Variants in GRIP1 observed in about 807,000 individuals in gnomAD.
GRIP1 encodes glutamate receptor-interacting protein 1.
Under a neutral mutation model 129.9 loss-of-function variants are expected in GRIP1, and 45 were observed. The observed-to-expected ratio is 0.35, with a 90% confidence interval of 0.27 to 0.44. The LOEUF (loss-of-function observed/expected upper bound fraction) is 0.44. GRIP1 is among the 20% of genes least tolerant of loss of function. The pLI, the probability that GRIP1 is intolerant of heterozygous loss-of-function variation, is 1.00. For missense variants in GRIP1, 1,196 were observed against 1,396.8 expected, an observed-to-expected ratio of 0.86 and a Z score of 2.29; for synonymous variants, 530 against 520.8, an observed-to-expected ratio of 1.02 and a Z score of -0.24.
At chr12:66,794,286 T>C (rs755987062) in intron 1 of GRIP1, among the ~76,000 whole-genome samples, 24 of 152,218 alleles carry the variant, frequency 1.6e-4, no homozygotes, top group Admixed American at 2.0e-4. Context: ...GGGTGGCTTA[T>C]GGGAATCAGT....
chr12:66,807,808 G>T (rs1271293084), upstream of GRIP1, among the ~76,000 whole-genome samples: 1 of 151,908 alleles, frequency 6.6e-6, no homozygotes, highest in Admixed American at 6.6e-5. Flanking sequence ...ACAGCCTGTA[G>T]AACTATGAGC....
intron 1 of GRIP1, among the ~76,000 whole-genome samples, chr12:66,968,031 G>A (rs2042021523): frequency 6.6e-6 from 1 of 152,084 alleles, no homozygotes; most frequent in Non-Finnish European, 1.5e-5. Context: ...AGTGAAAGAG[G>A]GGTGTTGAAG....
At chr12:66,420,475 A>G (rs1250257617) in intron 15 of GRIP1, among the ~76,000 whole-genome samples, 3 of 142,488 alleles carry the variant, frequency 2.1e-5, no homozygotes, top group African/African-American at 8.0e-5. Context: ...AGGAGAGCCT[A>G]TGCTAGATTC....
At chr12:66,702,377 C>T (rs539126375) in intron 1 of GRIP1, among the ~76,000 whole-genome samples, 2 of 152,222 alleles carry the variant, frequency 1.3e-5, no homozygotes, top group East Asian at 3.9e-4. Flanking sequence ...ATCTCTTATG[C>T]TAAATTCTCT....
chr12:66,708,532 T>C (rs960514813), intron 1 of GRIP1, among the ~76,000 whole-genome samples: 2 of 151,930 alleles, frequency 1.3e-5, no homozygotes, highest in Non-Finnish European at 2.9e-5. Context: ...ATTAAAACAG[T>C]ATGTCAGGTA....
At chr12:66,886,025 A>T (rs570357617) in intron 1 of GRIP1, among the ~76,000 whole-genome samples, 1 of 152,240 alleles carries the variant, frequency 6.6e-6, no homozygotes, top group East Asian at 1.9e-4. Context: ...CACTTTGGGA[A>T]ACCAAGTTGG....
intron 1 of GRIP1, among the ~76,000 whole-genome samples, chr12:66,850,447 G>A (rs1047406173): frequency 1.3e-5 from 2 of 152,046 alleles, no homozygotes; most frequent in African/African-American, 4.8e-5. Flanking sequence ...GTATTTTCAG[G>A]TTGCAAAGTT....
chr12:66,945,206 G>A (rs1184549607), intron 1 of GRIP1, among the ~76,000 whole-genome samples: 6 of 152,088 alleles, frequency 3.9e-5, no homozygotes, highest in Non-Finnish European at 8.8e-5. Context: ...CCATGTGCAG[G>A]TTTGTTATCT....
intron 1 of GRIP1, among the ~76,000 whole-genome samples, chr12:66,907,643 A>G (rs1253139833): frequency 6.6e-6 from 1 of 152,186 alleles, no homozygotes; most frequent in Admixed American, 6.5e-5. Flanking sequence ...TGGGGACAGC[A>G]GCACTTGTCA....
chr12:66,977,240 T>C (rs1305770960), intron 1 of GRIP1, among the ~76,000 whole-genome samples: 1 of 151,340 alleles, frequency 6.6e-6, no homozygotes, highest in African/African-American at 2.4e-5. Flanking sequence ...CATTTCTTTT[T>C]TTTCTTTTTT....
intron 1 of GRIP1, among the ~76,000 whole-genome samples, chr12:66,765,166 G>A (rs2037595248): frequency 6.6e-6 from 1 of 151,902 alleles, no homozygotes; most frequent in South Asian, 2.1e-4. Flanking sequence ...GATGAGACAG[G>A]CCCTTAGCCA....
chr12:66,613,256 G>T (rs1306353286), intron 1 of GRIP1, among the ~76,000 whole-genome samples: 6 of 152,102 alleles, frequency 3.9e-5, no homozygotes, highest in Non-Finnish European at 5.9e-5. Context: ...TAGAACTAAT[G>T]CTCCTTATAA....
chr12:67,046,390 C>T (rs982769307), intron 1 of GRIP1, among the ~76,000 whole-genome samples: 1 of 152,190 alleles, frequency 6.6e-6, no homozygotes, highest in African/African-American at 2.4e-5. Flanking sequence ...CCCTTCCATA[C>T]AAGATTCCTG....
At chr12:66,421,487 T>C (rs2057800442) in intron 14 of GRIP1, among the ~76,000 whole-genome samples, 2 of 152,106 alleles carry the variant, frequency 1.3e-5, no homozygotes, top group Admixed American at 6.6e-5. Flanking sequence ...GAGGTTGCAG[T>C]GATCCAAGGA....
At chr12:66,684,414 G>A (rs932163069) in intron 1 of GRIP1, among the ~76,000 whole-genome samples, 5 of 152,020 alleles carry the variant, frequency 3.3e-5, no homozygotes, top group African/African-American at 1.2e-4. Flanking sequence ...TTAAATGTCG[G>A]AATTCCCCCA....
rs2059176852 is a variant in GRIP1 at position 66,462,916 on chromosome 12, C to T, written c.1042+8G>A. The T allele has an allele frequency of 1.9e-6, 3 of 1,610,054 alleles. No homozygotes were observed. Among genetic ancestry groups the T allele is most frequent in the Non-Finnish European group, 2.5e-6 (3 of 1,177,508 alleles). ...GAGAAAGAGCTTGATCCAGGTGGAC[C>T]ATCTCACCATGGTCGGGCCCCTTTA... On this transcript the variant is annotated splice_region_variant and intron_variant, in intron 9 of 24. Transcript: ENST00000359742.
intron 1 of GRIP1, among the ~76,000 whole-genome samples, chr12:66,633,561 G>A (rs1238709020): frequency 6.6e-6 from 1 of 152,036 alleles, no homozygotes; most frequent in East Asian, 1.9e-4. Flanking sequence ...TGTAACTTTT[G>A]AGTACCTGAA....
intron 13 of GRIP1, among the ~76,000 whole-genome samples, chr12:66,433,777 AG>A (rs901932509): frequency 6.6e-6 from 1 of 152,324 alleles, no homozygotes; most frequent in Non-Finnish European, 1.5e-5. Flanking sequence ...GAGAGGCTTC[AG>A]GAACAGTGGA....
chr12:66,359,319 G>A (rs2054635775), intron 23 of GRIP1, among the ~76,000 whole-genome samples: 1 of 152,198 alleles, frequency 6.6e-6, no homozygotes. Context: ...TGCATTTGAG[G>A]AAACATTTGG....
Sources: gnomAD v4.1 joint callset for allele counts (sites outside exome capture counted in the v4.1 genomes callset) on GRCh38, gnomAD v4.1.1 for gene constraint, MANE v1.5 for transcripts, NCBI Gene and HGNC (gene_info 2026-07-23, HGNC 2026-07-21) for gene names.